The following AOPEP variants were observed in gnomAD, a reference collection of about 807,000 sequenced individuals.
AOPEP encodes the protein aminopeptidase O.
A neutral mutation model predicts 98.1 loss-of-function variants in AOPEP; 77 were observed. The ratio of observed to expected loss-of-function variants is 0.78; its 90% confidence interval spans 0.65 to 0.95. The LOEUF (loss-of-function observed/expected upper bound fraction) is 0.95. Among genes scored for constraint, AOPEP ranks in the 40% least tolerant of loss-of-function variants. The pLI is 0.00. For missense variants in AOPEP, 1,024 were observed against 1,024.7 expected (o/e 1.00, Z 0.01); for synonymous variants, 346 against 365.3 (o/e 0.95, Z 0.60).
intron 5 of AOPEP, among the ~76,000 whole-genome samples, chr9:94,912,392 C>T (rs1392816883): frequency 2.0e-5 from 3 of 152,118 alleles, no homozygotes; most frequent in African/African-American, 7.2e-5. Flanking sequence ...AGCCCCCGAC[C>T]CCCATGCTCA....
chr9:95,081,048 C>G (rs2069697067), intron 15 of AOPEP, among the ~76,000 whole-genome samples: 1 of 152,230 alleles, frequency 6.6e-6, no homozygotes, highest in African/African-American at 2.4e-5. Context: ...TTCACGGCAT[C>G]TCCAGCACCT....
intron 5 of AOPEP, among the ~76,000 whole-genome samples, chr9:94,828,052 C>T (rs1007395600): frequency 2.0e-5 from 3 of 151,996 alleles, no homozygotes; most frequent in South Asian, 2.1e-4. Flanking sequence ...AGGCAGAAGG[C>T]GAGGGAAGCA....
At chr9:94,762,774 G>A (rs1354705782) in intron 2 of AOPEP, among the ~76,000 whole-genome samples, 2 of 152,064 alleles carry the variant, frequency 1.3e-5, no homozygotes, top group Admixed American at 6.5e-5. Context: ...TCTCCCTTGC[G>A]CTGCAGAATA....
intron 10 of AOPEP, among the ~76,000 whole-genome samples, chr9:94,978,889 C>T (rs376247067): frequency 5.3e-4 from 81 of 152,186 alleles, no homozygotes; most frequent in African/African-American, 1.9e-3. Flanking sequence ...TCATTCCTTG[C>T]ACCTGAGCCT....
In AOPEP at chr9:94,759,930, T is replaced by A. The variant is rs553785318; in HGVS notation, c.147T>A (p.Asp49Glu). 2 of 1,613,910 alleles carry A rather than the reference T, an allele frequency of 1.2e-6. No individual in the cohort carries two copies. The highest frequency in any genetic ancestry group is 1.7e-6 in the Non-Finnish European group (2 of 1,180,020). Reference sequence around the variant, plus strand: ...GGACCATAGTGCTTTTCCTCGAGGATGGAAACAGATTCAAGAAACAGAATA... The same window carrying A: ...GGACCATAGTGCTTTTCCTCGAGGAAGGAAACAGATTCAAGAAACAGAATA... ...IEGTIVLFLE[D>E]GNRFKKQNSS... Residue 49 changes from aspartate to glutamate, a missense_variant, in exon 2 of 17, where the codon GAT becomes GAA. Coordinates refer to ENST00000375315, the MANE Select transcript of AOPEP (RefSeq NM_001193329.3).
At chr9:94,855,799 A>T (rs1469584909) in intron 5 of AOPEP, among the ~76,000 whole-genome samples, 1 of 152,210 alleles carries the variant, frequency 6.6e-6, no homozygotes, top group African/African-American at 2.4e-5. Context: ...ATAAATGATG[A>T]CCTAGAAATA....
intron 1 of AOPEP, among the ~76,000 whole-genome samples, chr9:94,729,992 G>T (rs1830141589): frequency 6.6e-6 from 1 of 152,060 alleles, no homozygotes; most frequent in African/African-American, 2.4e-5. Context: ...TCCACATAAT[G>T]AAAATGTCTG....
chr9:95,038,485 A>G (rs938088655), intron 13 of AOPEP, among the ~76,000 whole-genome samples: 1 of 152,244 alleles, frequency 6.6e-6, no homozygotes, highest in African/African-American at 2.4e-5. Context: ...CTCAGTAACT[A>G]TAGCAAACAA....
Position 94,936,662 on chromosome 9 carries a change from A to G in AOPEP, c.1661+8131A>G, listed in dbSNP as rs147265526. ...GCTGGGTGTCCTCTAATTCAGTTTAATTCTGACACTGTCCAGAGCATCAGA... is the reference window on the plus strand; with the variant it reads ...GCTGGGTGTCCTCTAATTCAGTTTAGTTCTGACACTGTCCAGAGCATCAGA... On this transcript the variant is annotated intron_variant, in intron 7 of 16. Transcript: ENST00000375315. Among the ~76,000 whole-genome samples, 114 of 152,288 alleles carry G rather than the reference A, an allele frequency of 7.5e-4. 1 individual carries two copies. In the East Asian group the frequency reaches 0.018, roughly 24 times the overall value.
At chr9:94,795,433 A>T (rs1165107397) in intron 4 of AOPEP, among the ~76,000 whole-genome samples, 1 of 152,018 alleles carries the variant, frequency 6.6e-6, no homozygotes, top group Non-Finnish European at 1.5e-5. Flanking sequence ...ACAAAGCCAC[A>T]CTTTCCTTAT....
chr9:94,749,800 TAG>T (rs1210846720), intron 1 of AOPEP, among the ~76,000 whole-genome samples: 1 of 152,226 alleles, frequency 6.6e-6, no homozygotes, highest in Non-Finnish European at 1.5e-5. Context: ...ATAATATGAA[TAG>T]CTGCTTTAAA....
chr9:94,738,028 A>G (rs553549443), intron 1 of AOPEP, among the ~76,000 whole-genome samples: 8 of 152,350 alleles, frequency 5.3e-5, no homozygotes, highest in Admixed American at 2.6e-4. Flanking sequence ...CCAGGAAAGT[A>G]TCTTAACTTC....
chr9:95,027,125 G>A (rs2063906877), intron 13 of AOPEP, among the ~76,000 whole-genome samples: 2 of 152,098 alleles, frequency 1.3e-5, no homozygotes, highest in Non-Finnish European at 1.5e-5. Context: ...AGCTGGATAC[G>A]GTGGCATGCA....
chr9:94,907,472 GCA>G (rs2051324882), intron 5 of AOPEP, among the ~76,000 whole-genome samples: 1 of 152,106 alleles, frequency 6.6e-6, no homozygotes, highest in South Asian at 2.1e-4. Flanking sequence ...GGCTGGCTGG[GCA>G]CAGAGTCAAG....
At chr9:94,998,608 G>C (rs959186067) in intron 11 of AOPEP, among the ~76,000 whole-genome samples, 1 of 152,188 alleles carries the variant, frequency 6.6e-6, no homozygotes, top group African/African-American at 2.4e-5. Context: ...ACTTTATGAG[G>C]AAGGAGGCTT....
intron 5 of AOPEP, among the ~76,000 whole-genome samples, chr9:94,812,311 C>T (rs1321095309): frequency 6.6e-6 from 1 of 152,124 alleles, no homozygotes; most frequent in Non-Finnish European, 1.5e-5. Context: ...GGGTCCCTGC[C>T]TGGCCCCTTA....
intron 5 of AOPEP, among the ~76,000 whole-genome samples, chr9:94,825,930 T>C (rs1854425426): frequency 6.6e-6 from 1 of 152,170 alleles, no homozygotes; most frequent in Non-Finnish European, 1.5e-5. Flanking sequence ...AATTAAAAAA[T>C]TCTGTTTAGC....
chr9:95,022,078 T>A (rs1433972673), intron 13 of AOPEP: 2 of 152,244 alleles, frequency 1.3e-5, no homozygotes, highest in Non-Finnish European at 2.9e-5. Context: ...AAGTGATTGT[T>A]GTAGATTTTG....
At chr9:94,767,365 G>T (rs1839862994) in intron 2 of AOPEP, among the ~76,000 whole-genome samples, 1 of 152,154 alleles carries the variant, frequency 6.6e-6, no homozygotes, top group Non-Finnish European at 1.5e-5. Context: ...GACTGTATCA[G>T]TCTCAACAAG....
Sources: gnomAD v4.1 joint callset for allele counts (sites outside exome capture counted in the v4.1 genomes callset) on GRCh38, gnomAD v4.1.1 for gene constraint, MANE v1.5 for transcripts, NCBI Gene and HGNC (gene_info 2026-07-23, HGNC 2026-07-21) for gene names.